CSMD1: variants seen among roughly 807,000 people sequenced by gnomAD.
CSMD1 encodes the protein CUB and sushi domain-containing protein 1.
Under a neutral mutation model 417.5 loss-of-function variants are expected in CSMD1, and 213 were observed. That is an observed-to-expected ratio of 0.51 (90% CI 0.46 to 0.57). The LOEUF (loss-of-function observed/expected upper bound fraction) is 0.57. Ranked by LOEUF, CSMD1 falls within the 20% of genes least tolerant of loss-of-function variation. CSMD1 has a pLI of 0.00. For missense variants in CSMD1, 6,923 were observed against 4,529.7 expected, an observed-to-expected ratio of 1.53 and a Z score of -15.17; for synonymous variants, 2,862 against 1,736.8, an observed-to-expected ratio of 1.65 and a Z score of -16.11.
chr8:4,050,821 G>A (rs1364397780), intron 3 of CSMD1, among the ~76,000 whole-genome samples: 2 of 152,114 alleles, frequency 1.3e-5, no homozygotes, highest in African/African-American at 2.4e-5. Flanking sequence ...TTTATCTCAA[G>A]TGCCAATTTT....
chr8:4,329,849 TACACACACACACACAC>T (rs3067537), intron 3 of CSMD1, among the ~76,000 whole-genome samples: 1 of 150,186 alleles, frequency 6.7e-6, no homozygotes, highest in Non-Finnish European at 1.5e-5. Flanking sequence ...CCACCCTGCT[TACACACACACACACAC>T]ACACACACAG....
intron 6 of CSMD1, among the ~76,000 whole-genome samples, chr8:3,710,659 C>A (rs13273248): frequency 0.56 from 85,012 of 151,946 alleles, 23,904 homozygotes; most frequent in Admixed American, 0.63. Context: ...CTCTACCCCT[C>A]AGAGTCCCTG....
intron 13 of CSMD1, among the ~76,000 whole-genome samples, chr8:3,408,444 T>C (rs1162184050): frequency 1.3e-5 from 2 of 151,250 alleles, no homozygotes; most frequent in East Asian, 3.9e-4. Flanking sequence ...CCAGAACCTA[T>C]ACATAATCAA....
chr8:4,195,198 T>C (rs1340442571), intron 3 of CSMD1, among the ~76,000 whole-genome samples: 1 of 152,164 alleles, frequency 6.6e-6, no homozygotes, highest in Non-Finnish European at 1.5e-5. Flanking sequence ...GAAAATAAAC[T>C]AAAACCTTGG....
At chr8:4,456,592 T>C (rs1160831001) in intron 2 of CSMD1, among the ~76,000 whole-genome samples, 1 of 152,070 alleles carries the variant, frequency 6.6e-6, no homozygotes, top group Non-Finnish European at 1.5e-5. Flanking sequence ...CAAACACGGC[T>C]GTAGGGATAG....
chr8:3,391,666 C>T (rs1585095474), intron 17 of CSMD1, among the ~76,000 whole-genome samples: 1 of 152,162 alleles, frequency 6.6e-6, no homozygotes. Context: ...ACCTTTGAGC[C>T]ACACAATTCA....
At chr8:3,731,737 G>C (rs1373471629) in intron 6 of CSMD1, among the ~76,000 whole-genome samples, 2 of 152,174 alleles carry the variant, frequency 1.3e-5, no homozygotes, top group East Asian at 1.9e-4. Context: ...TACAGGTAGA[G>C]AGACTAAGAT....
chr8:4,034,063 T>A (rs139673591), intron 3 of CSMD1, among the ~76,000 whole-genome samples: 1 of 152,220 alleles, frequency 6.6e-6, no homozygotes, highest in Non-Finnish European at 1.5e-5. Flanking sequence ...TCTGTATCCA[T>A]TGTCTTTGCA....
At chr8:3,380,506 T>C (rs1049367488) in intron 18 of CSMD1, among the ~76,000 whole-genome samples, 1 of 152,138 alleles carries the variant, frequency 6.6e-6, no homozygotes, top group African/African-American at 2.4e-5. Flanking sequence ...CCATCAATGA[T>C]AGGCTGGATA....
chr8:4,944,182 C>G (rs1215830283), intron 1 of CSMD1, among the ~76,000 whole-genome samples: 1 of 152,110 alleles, frequency 6.6e-6, no homozygotes, highest in Non-Finnish European at 1.5e-5. Flanking sequence ...AATCCACGAA[C>G]TTAGATTTGG....
At chr8:4,607,112 T>C (rs1280118700) in intron 2 of CSMD1, among the ~76,000 whole-genome samples, 1 of 152,138 alleles carries the variant, frequency 6.6e-6, no homozygotes, top group Non-Finnish European at 1.5e-5. Flanking sequence ...ATTTATTGTG[T>C]TTGGAGCACT....
chr8:2,951,388 A>G, intron 65 of CSMD1, 113 bp from the exon 66 acceptor site: 1 of 1,103,650 alleles, frequency 9.1e-7, no homozygotes, highest in Non-Finnish European at 1.3e-6. Context: ...AGATGAGGGC[A>G]GTGATGAAGA....
intron 2 of CSMD1, among the ~76,000 whole-genome samples, chr8:4,512,719 T>A (rs907751877): frequency 6.6e-6 from 1 of 151,768 alleles, no homozygotes. Context: ...TACTTAGATA[T>A]AAATCTAGCA....
intron 7 of CSMD1, among the ~76,000 whole-genome samples, chr8:3,631,140 T>C (rs992364099): frequency 6.6e-6 from 1 of 152,130 alleles, no homozygotes; most frequent in African/African-American, 2.4e-5. Flanking sequence ...ATCTGCAAAA[T>C]GGCCCTCCCT....
At chr8:2,972,105 T>A (rs1726906780) in intron 57 of CSMD1, among the ~76,000 whole-genome samples, 1 of 152,088 alleles carries the variant, frequency 6.6e-6, no homozygotes, top group Non-Finnish European at 1.5e-5. Flanking sequence ...TTTAGCGTTA[T>A]TTTATATGTG....
intron 3 of CSMD1, among the ~76,000 whole-genome samples, chr8:4,105,675 T>C (rs188857092): frequency 1.3e-5 from 2 of 152,258 alleles, no homozygotes; most frequent in East Asian, 1.9e-4. Flanking sequence ...CATTAGCAGG[T>C]TTACCTGTCA....
chr8:3,183,856 C>T (rs1821587771), intron 36 of CSMD1, among the ~76,000 whole-genome samples: 7 of 152,222 alleles, frequency 4.6e-5, no homozygotes, highest in Admixed American at 4.6e-4. Flanking sequence ...ATATTATTTT[C>T]ACAACAATCA....
At chr8:3,958,310 T>A (rs577394117) in intron 5 of CSMD1, among the ~76,000 whole-genome samples, 1 of 100,750 alleles carries the variant, frequency 9.9e-6, no homozygotes, top group Non-Finnish European at 2.0e-5. Context: ...TTCATTTTTT[T>A]AAACTCTCTC....
chr8:4,717,417 A>C (rs904337046), intron 1 of CSMD1, among the ~76,000 whole-genome samples: 1 of 150,366 alleles, frequency 6.7e-6, no homozygotes, highest in African/African-American at 2.5e-5. Context: ...ATACACACAC[A>C]CTATATATAT....
Sources: gnomAD v4.1 joint callset for allele counts (sites outside exome capture counted in the v4.1 genomes callset) on GRCh38, gnomAD v4.1.1 for gene constraint, MANE v1.5 for transcripts, NCBI Gene and HGNC (gene_info 2026-07-23, HGNC 2026-07-21) for gene names.